HS6ST3: variants seen among roughly 807,000 people sequenced by gnomAD.
The protein encoded by HS6ST3 is heparan sulfate 6-O-sulfotransferase 3.
A neutral mutation model predicts 36.7 loss-of-function variants in HS6ST3; 12 were observed. The ratio of observed to expected loss-of-function variants is 0.33; its 90% CI spans 0.21 to 0.53. HS6ST3 has a LOEUF of 0.53. HS6ST3 is among the 20% of genes least tolerant of loss of function. HS6ST3 has a pLI of 0.95. For missense variants in HS6ST3, 584 were observed against 640.9 expected, an observed-to-expected ratio of 0.91 and a Z score of 0.96; for synonymous variants, 240 against 257.5, an observed-to-expected ratio of 0.93 and a Z score of 0.65.
At chr13:96,096,033 T>G (rs965910968) in intron 1 of HS6ST3, among the ~76,000 whole-genome samples, 3 of 152,160 alleles carry the variant, frequency 2.0e-5, no homozygotes, top group African/African-American at 7.2e-5. Flanking sequence ...GATCTCTTTT[T>G]TTTTTGTATA....
At chr13:96,745,867 T>C (rs758341610) in intron 1 of HS6ST3, among the ~76,000 whole-genome samples, 16 of 152,072 alleles carry the variant, frequency 1.1e-4, no homozygotes, top group Non-Finnish European at 2.2e-4. Flanking sequence ...TCTATCTTCT[T>C]GACATTGTTC....
intron 1 of HS6ST3, among the ~76,000 whole-genome samples, chr13:96,696,080 A>C (rs1173176776): frequency 6.6e-6 from 1 of 152,162 alleles, no homozygotes; most frequent in Non-Finnish European, 1.5e-5. Flanking sequence ...CCTACCAGAG[A>C]AATTGTAGGA....
intron 1 of HS6ST3, among the ~76,000 whole-genome samples, chr13:96,456,901 G>A (rs1161405456): frequency 3.3e-5 from 5 of 152,116 alleles, no homozygotes; most frequent in Non-Finnish European, 7.4e-5. Context: ...GGAAAATATA[G>A]TCATTATGCA....
At chr13:96,314,132 C>T (rs923602463) in intron 1 of HS6ST3, among the ~76,000 whole-genome samples, 2 of 152,172 alleles carry the variant, frequency 1.3e-5, no homozygotes, top group South Asian at 2.1e-4. Flanking sequence ...ACCCAGGAGG[C>T]GGAGGTCTCA....
chr13:96,139,307 G>A (rs1017307952), intron 1 of HS6ST3, among the ~76,000 whole-genome samples: 3 of 151,854 alleles, frequency 2.0e-5, no homozygotes, highest in African/African-American at 7.3e-5. Flanking sequence ...TGAACTGAAC[G>A]CATTATGTGA....
At chr13:96,123,075 A>G (rs923031592) in intron 1 of HS6ST3, among the ~76,000 whole-genome samples, 9 of 152,118 alleles carry the variant, frequency 5.9e-5, no homozygotes, top group Non-Finnish European at 1.0e-4. Flanking sequence ...TATTTATTCC[A>G]TTATATACCC....
chr13:96,422,783 G>A (rs1012518228), intron 1 of HS6ST3, among the ~76,000 whole-genome samples: 4 of 152,116 alleles, frequency 2.6e-5, no homozygotes, highest in African/African-American at 7.2e-5. Flanking sequence ...TGGATAGGAA[G>A]GAATCAAGAA....
intron 1 of HS6ST3, among the ~76,000 whole-genome samples, chr13:96,228,830 A>G (rs1377934896): frequency 1.3e-5 from 2 of 152,214 alleles, no homozygotes; most frequent in Non-Finnish European, 2.9e-5. Flanking sequence ...ATTAAAGGCT[A>G]AAACAAAAAC....
chr13:96,532,686 A>G (rs1420072245), intron 1 of HS6ST3, among the ~76,000 whole-genome samples: 1 of 152,190 alleles, frequency 6.6e-6, no homozygotes, highest in African/African-American at 2.4e-5. Context: ...AGTACTAGGA[A>G]CCTGGTTGTC....
chr13:96,398,943 G>A (rs920059821), intron 1 of HS6ST3, among the ~76,000 whole-genome samples: 3 of 152,198 alleles, frequency 2.0e-5, no homozygotes, highest in African/African-American at 7.2e-5. Context: ...AACCACATGA[G>A]TTTGGTTGAG....
chr13:96,200,088 C>T (rs1447051835), intron 1 of HS6ST3, among the ~76,000 whole-genome samples: 3 of 152,166 alleles, frequency 2.0e-5, no homozygotes, highest in African/African-American at 4.8e-5. Context: ...ACTTCCCTTA[C>T]GATAAAGTAT....
At chr13:96,477,943 A>G (rs1424943850) in intron 1 of HS6ST3, among the ~76,000 whole-genome samples, 1 of 152,134 alleles carries the variant, frequency 6.6e-6, no homozygotes, top group Non-Finnish European at 1.5e-5. Flanking sequence ...ACACATACAC[A>G]CAAAAAACCG....
At chr13:96,403,943 T>C (rs1476645759) in intron 1 of HS6ST3, among the ~76,000 whole-genome samples, 1 of 152,214 alleles carries the variant, frequency 6.6e-6, no homozygotes, top group Admixed American at 6.5e-5. Flanking sequence ...GGATGAGTAA[T>C]TGGGTTGTTC....
At chr13:96,294,109 T>C (rs924270064) in intron 1 of HS6ST3, among the ~76,000 whole-genome samples, 1 of 152,132 alleles carries the variant, frequency 6.6e-6, no homozygotes, top group Non-Finnish European at 1.5e-5. Context: ...GCATTTTTTC[T>C]TCCTGTCTCT....
At chr13:96,725,946 TC>T in intron 1 of HS6ST3, among the ~76,000 whole-genome samples, 1 of 152,264 alleles carries the variant, frequency 6.6e-6, no homozygotes, top group East Asian at 1.9e-4. Flanking sequence ...CAAGTGATTC[TC>T]CGGCTTCAGC....
chr13:96,459,427 T>TAA lies in HS6ST3; in HGVS notation c.707+367866_707+367867dup, dbSNP rs144073861. ...ATCTTGGTTATCATATTGGAAAAGTTAAAAAAAAACTGAAAGTCACACTAA... is the reference window on the plus strand; with the variant it reads ...ATCTTGGTTATCATATTGGAAAAGTTAAAAAAAAAAACTGAAAGTCACACTAA... On this transcript the variant is annotated intron_variant, in intron 1 of 1. Transcript: ENST00000376705. Among the ~76,000 whole-genome samples, 291 of 151,012 alleles carry TAA rather than the reference T, an allele frequency of 1.9e-3. 1 individual carries two copies. The highest frequency in any genetic ancestry group is 6.5e-3 in the African/African-American group (268 of 41,160).
chr13:96,722,195 G>A (rs375697424), intron 1 of HS6ST3, among the ~76,000 whole-genome samples: 1 of 152,230 alleles, frequency 6.6e-6, no homozygotes, highest in African/African-American at 2.4e-5. Context: ...AATCTGGGAG[G>A]CAGAGGTTTC....
At chr13:96,278,001 C>T (rs1391075093) in intron 1 of HS6ST3, among the ~76,000 whole-genome samples, 1 of 152,122 alleles carries the variant, frequency 6.6e-6, no homozygotes, top group African/African-American at 2.4e-5. Context: ...TAAGTTTTAG[C>T]TTAACTAATA....
chr13:96,361,201 A>G (rs1018554146), intron 1 of HS6ST3, among the ~76,000 whole-genome samples: 1 of 152,154 alleles, frequency 6.6e-6, no homozygotes, highest in Non-Finnish European at 1.5e-5. Context: ...GCACACTTTT[A>G]TCCCCATATT....
Sources: gnomAD v4.1 joint callset for allele counts (sites outside exome capture counted in the v4.1 genomes callset) on GRCh38, gnomAD v4.1.1 for gene constraint, MANE v1.5 for transcripts, NCBI Gene and HGNC (gene_info 2026-07-23, HGNC 2026-07-21) for gene names.